The following XKR9 variants were observed in gnomAD, a reference collection of about 807,000 sequenced individuals.
The protein encoded by XKR9 is XK related 9.
In XKR9, 32 loss-of-function variants were observed where a neutral mutation model predicts 32.0. That is an observed-to-expected ratio of 1.00 (90% confidence interval 0.76 to 1.34). XKR9 has a LOEUF of 1.34. Ranked by LOEUF, XKR9 falls within the 40% of genes most tolerant of loss-of-function variation. The pLI is 0.00. For synonymous variants in XKR9, 168 were observed against 143.4 expected (o/e 1.17, Z -1.22); for missense variants, 546 against 429.7 (o/e 1.27, Z -2.39).
the XKR9 span, among the ~76,000 whole-genome samples, chr8:70,899,179 C>A: frequency 1.2e-4 from 19 of 152,028 alleles, no homozygotes; most frequent in Non-Finnish European, 2.5e-4. Flanking sequence ...AATTTGTCTT[C>A]GGTGTAAGGC....
At chr8:70,865,273 C>CT in the XKR9 span, among the ~76,000 whole-genome samples, 3,276 of 142,454 alleles carry the variant, frequency 0.023, 100 homozygotes, top group African/African-American at 0.078. Flanking sequence ...TCCTTCTGGG[C>CT]TTTTTTTTTT....
the XKR9 span, among the ~76,000 whole-genome samples, chr8:70,991,780 T>C: frequency 8.0e-4 from 122 of 152,358 alleles, no homozygotes; most frequent in African/African-American, 2.8e-3. Context: ...TAAATAATTA[T>C]AAAAAACTAC....
the XKR9 span, among the ~76,000 whole-genome samples, chr8:70,952,115 A>G: frequency 6.6e-6 from 1 of 151,214 alleles, no homozygotes; most frequent in South Asian, 2.1e-4. Context: ...TGAAAAAAAA[A>G]GGAAAACAAT....
chr8:70,680,622 CA>C (rs1819043328), intron 2 of XKR9, among the ~76,000 whole-genome samples, 158 bp from the exon 3 acceptor site: 2 of 152,016 alleles, frequency 1.3e-5, no homozygotes, highest in Non-Finnish European at 2.9e-5. Context: ...TATCAACTAT[CA>C]AGTATATTTC....
At chr8:70,845,495 G>A in the XKR9 span, among the ~76,000 whole-genome samples, 3 of 152,098 alleles carry the variant, frequency 2.0e-5, no homozygotes, top group Non-Finnish European at 4.4e-5. Context: ...TCTTAAGAAA[G>A]CTCAGTGAGA....
intron 3 of XKR9, among the ~76,000 whole-genome samples, chr8:70,700,868 C>G (rs1256422606): frequency 2.0e-5 from 3 of 152,206 alleles, no homozygotes; most frequent in Non-Finnish European, 2.9e-5. Flanking sequence ...GCTTTGTTTA[C>G]CTGAGCAAGC....
In XKR9 at chr8:70,734,375, GA is replaced by G; in HGVS notation, c.1077del (p.Lys359AsnfsTer4). On this transcript the variant is annotated frameshift_variant, in exon 5 of 5. Coordinates refer to ENST00000408926, the MANE Select transcript of XKR9 (RefSeq NM_001011720.2). LOFTEE classifies it high-confidence loss of function. ...GAAACAAAATGTGATGAAATTGATG[GA>G]AAACCAGTTCTAAGAGAATGTAGAA... ...SAETKCDEID[G>X]KPVLRECRMR... The G allele has an allele frequency of 6.2e-7, 1 of 1,609,058 alleles. No homozygotes were observed.
intron 2 of XKR9, among the ~76,000 whole-genome samples, chr8:70,767,529 C>G (rs554506912): frequency 3.2e-5 from 4 of 123,562 alleles, no homozygotes; most frequent in Non-Finnish European, 6.6e-5. Context: ...GATGGAGTCT[C>G]GCTCTGTCGC....
At chr8:70,748,932 T>C (rs1425931677) in intron 2 of XKR9, among the ~76,000 whole-genome samples, 1 of 152,162 alleles carries the variant, frequency 6.6e-6, no homozygotes, top group Non-Finnish European at 1.5e-5. Context: ...TCCTCAACTC[T>C]TCAGGATGAC....
At chr8:70,828,872 A>G in the XKR9 span, among the ~76,000 whole-genome samples, 1 of 152,188 alleles carries the variant, frequency 6.6e-6, no homozygotes, top group Non-Finnish European at 1.5e-5. Context: ...GTCAAGTCCC[A>G]TTCTAAGGTC....
the XKR9 span, among the ~76,000 whole-genome samples, chr8:70,826,117 G>T: frequency 6.6e-6 from 1 of 152,058 alleles, no homozygotes; most frequent in Non-Finnish European, 1.5e-5. Context: ...TTGGGTCTTT[G>T]TTTTCCAAGG....
the XKR9 span, among the ~76,000 whole-genome samples, chr8:70,950,095 T>C: frequency 6.6e-6 from 1 of 152,222 alleles, no homozygotes; most frequent in Non-Finnish European, 1.5e-5. Context: ...AGTTGAGTCC[T>C]AACTTCACTA....
chr8:70,862,113 A>G, the XKR9 span, among the ~76,000 whole-genome samples: 2 of 152,202 alleles, frequency 1.3e-5, no homozygotes. Flanking sequence ...GCTGAGAAGC[A>G]GTCATGGATG....
At chr8:70,990,998 T>C in the XKR9 span, among the ~76,000 whole-genome samples, 1 of 152,234 alleles carries the variant, frequency 6.6e-6, no homozygotes, top group Non-Finnish European at 1.5e-5. Context: ...CAAGTCCATA[T>C]TGATTTTAGC....
At chr8:71,027,231 G>T in the XKR9 span, among the ~76,000 whole-genome samples, 1 of 151,516 alleles carries the variant, frequency 6.6e-6, no homozygotes, top group African/African-American at 2.4e-5. Context: ...TCCATTTTAT[G>T]AATTAGTCAT....
the XKR9 span, among the ~76,000 whole-genome samples, chr8:71,025,796 C>T: frequency 1.3e-5 from 2 of 152,148 alleles, no homozygotes; most frequent in South Asian, 4.1e-4. Flanking sequence ...TGAACATCAC[C>T]AATCCTCTCC....
intron 2 of XKR9, among the ~76,000 whole-genome samples, chr8:70,771,295 C>T (rs1014016284): frequency 2.6e-5 from 4 of 152,200 alleles, no homozygotes; most frequent in Non-Finnish European, 5.9e-5. Context: ...GTTGGAAATG[C>T]AGAAATCACC....
the XKR9 span, among the ~76,000 whole-genome samples, chr8:70,828,494 G>A: frequency 2.0e-5 from 3 of 152,114 alleles, no homozygotes; most frequent in Non-Finnish European, 2.9e-5. Flanking sequence ...GGGAGGCCGA[G>A]GCGGGCGGAT....
chr8:70,791,512 A>G (rs1194307882), downstream of XKR9, among the ~76,000 whole-genome samples: 1 of 152,110 alleles, frequency 6.6e-6, no homozygotes, highest in Non-Finnish European at 1.5e-5. Flanking sequence ...GCCCTTATGA[A>G]TGGATTAATG....
Sources: allele counts gnomAD v4.1 joint callset (sites outside exome capture counted in the v4.1 genomes callset), GRCh38; gene constraint gnomAD v4.1.1; transcripts MANE v1.5; gene names NCBI Gene and HGNC (gene_info 2026-07-23, HGNC 2026-07-21).